The following ARID1B variants were observed in gnomAD, a reference collection of about 807,000 sequenced individuals.
ARID1B encodes the protein AT-rich interaction domain 1B.
In ARID1B, 30 loss-of-function variants were observed where a neutral mutation model predicts 212.3. That is an observed-to-expected ratio of 0.14 (90% CI 0.11 to 0.19). The LOEUF is 0.19. ARID1B is among the 10% of genes least tolerant of loss of function. The pLI is 1.00. For missense variants in ARID1B, 2,891 were observed against 3,204.0 expected (o/e 0.90, Z 2.36); for synonymous variants, 1,402 against 1,301.7 (o/e 1.08, Z -1.66).
At chr6:156,817,169 G>T in intron 1 of ARID1B, among the ~76,000 whole-genome samples, 1 of 151,850 alleles carries the variant, frequency 6.6e-6, no homozygotes, top group Non-Finnish European at 1.5e-5. Context: ...TGGATCACCT[G>T]AGGTCAAGAG....
intron 15 of ARID1B, chr6:157,194,773 T>A (rs1391523658): frequency 6.6e-6 from 1 of 152,232 alleles, no homozygotes; most frequent in African/African-American, 2.4e-5. Context: ...ATACATATTT[T>A]ATGTCCTCCT....
chr6:156,992,266 C>T (rs1236152863), intron 4 of ARID1B, among the ~76,000 whole-genome samples: 2 of 152,040 alleles, frequency 1.3e-5, no homozygotes, highest in South Asian at 4.1e-4. Flanking sequence ...TGTTGTAGTC[C>T]TTCATCTGGG....
At chr6:157,007,121 A>G (rs1779294448) in intron 4 of ARID1B, among the ~76,000 whole-genome samples, 1 of 152,224 alleles carries the variant, frequency 6.6e-6, no homozygotes, top group Non-Finnish European at 1.5e-5. Flanking sequence ...TATTTAGGCA[A>G]CTGAAAAATT....
At position 157,208,567 on chromosome 6, in the gene ARID1B, T is replaced by C. The variant is rs1794624121; in HGVS notation, c.*676T>C. On this transcript the variant is annotated 3_prime_UTR_variant, in exon 20 of 20. Coordinates refer to ENST00000636930, the MANE Select transcript of ARID1B (RefSeq NM_001374828.1). ...CGATCCGGAAACTGCTCCTCACCACTCCCGTCATGCCTGCTGTCGGCGTTT... is the reference window on the plus strand; with the variant it reads ...CGATCCGGAAACTGCTCCTCACCACCCCCGTCATGCCTGCTGTCGGCGTTT... 1 of 233,010 alleles carries C rather than the reference T, an allele frequency of 4.3e-6. No homozygotes were observed. Among genetic ancestry groups the C allele is most frequent in the Admixed American group, 5.6e-5 (1 of 17,770 alleles). 14.4% of individuals were successfully genotyped at this position (233,010 alleles called of 1,614,324 possible).
chr6:156,950,473 G>A (rs929438187), intron 4 of ARID1B, among the ~76,000 whole-genome samples: 3 of 152,232 alleles, frequency 2.0e-5, no homozygotes, highest in Non-Finnish European at 4.4e-5. Context: ...ATATGGGGAT[G>A]TAAGAGAAAG....
At chr6:156,879,295 C>G (rs1309943903) in intron 2 of ARID1B, among the ~76,000 whole-genome samples, 1 of 152,222 alleles carries the variant, frequency 6.6e-6, no homozygotes, top group Non-Finnish European at 1.5e-5. Flanking sequence ...AGCCATATGT[C>G]ATTCAAATGG....
intron 12 of ARID1B, among the ~76,000 whole-genome samples, chr6:157,182,012 C>T (rs1003207870): frequency 5.3e-5 from 8 of 152,160 alleles, no homozygotes; most frequent in African/African-American, 1.9e-4. Context: ...CTTTGGGAAG[C>T]CAAGGCAGGA....
chr6:157,027,876 A>G (rs926627614), intron 4 of ARID1B, among the ~76,000 whole-genome samples: 5 of 152,248 alleles, frequency 3.3e-5, no homozygotes, highest in Admixed American at 2.0e-4. Context: ...AGTATGATCA[A>G]ATAGTACCTT....
At chr6:157,070,700 T>G (rs560395369) in intron 4 of ARID1B, among the ~76,000 whole-genome samples, 1 of 152,356 alleles carries the variant, frequency 6.6e-6, no homozygotes, top group South Asian at 2.1e-4. Context: ...ATTTACTTAC[T>G]TATTTTCTTA....
intron 5 of ARID1B, among the ~76,000 whole-genome samples, chr6:157,107,023 C>G (rs986738152): frequency 3.3e-5 from 5 of 152,188 alleles, no homozygotes; most frequent in African/African-American, 7.2e-5. Context: ...CCAAAAAATA[C>G]TTAACCAACT....
At chr6:157,177,273 A>G (rs1792158970) in intron 11 of ARID1B, among the ~76,000 whole-genome samples, 1 of 152,246 alleles carries the variant, frequency 6.6e-6, no homozygotes, top group African/African-American at 2.4e-5. Flanking sequence ...TTGAGAAAAC[A>G]GCCACTTTTT....
At position 157,167,057 on chromosome 6, in the gene ARID1B, G is replaced by T. The variant is rs755539131; in HGVS notation, c.3107G>T (p.Gly1036Val). 6.2e-7 allele frequency: 1 copy of T among 1,611,794 alleles called. No individual in the cohort carries two copies. The change falls in exon 9 of 20, where the codon GGC (glycine) becomes GTC (valine). Residue 1036 changes from glycine (G) to valine (V), a missense_variant. Coordinates refer to ENST00000636930, the MANE Select transcript of ARID1B (RefSeq NM_001374828.1). The stretch of plus-strand genomic sequence containing the variant: ...TCCTGTAGGCAAGGCAGTTTCCCCG[G>T]CATGAACCAGAGTGGACTTATGGCT... ...SAQSRQGSFP[G>V]MNQSGLMASS...
rs187254602 is a variant in ARID1B at position 156,829,526 on chromosome 6, G to C, written c.1986+105G>C. The stretch of plus-strand genomic sequence containing the variant: ...TAAAGAGAATTAGGGGGCATTGCAC[G>C]GATTTTCTGCTTTAATTTTTATTGT... On this transcript the variant is annotated intron_variant, in intron 2 of 19. Coordinates refer to ENST00000636930, the MANE Select transcript of ARID1B (RefSeq NM_001374828.1). 7.9e-5 allele frequency: 94 copies of C among 1,187,860 alleles called. No homozygotes were observed. The African/African-American group carries it at 1.4e-3, about 17-fold the overall frequency. The allele number at this position is 1,187,860 out of a possible 1,614,324, so 73.6% of individuals were successfully genotyped here.
In ARID1B at chr6:156,935,537, C is replaced by G. The variant is rs149931590; in HGVS notation, c.2208C>G (p.Asp736Glu). Residue 736 changes from aspartate to glutamate, a missense_variant, in exon 4 of 20, where the codon GAC (aspartate) becomes GAG (glutamate). By Grantham distance (45) the Asp-to-Glu change is conservative (BLOSUM62 2). Around this residue, in one of 7 missense-constraint regions of ARID1B, gnomAD observed 1,643 missense variants for 1,544.0 expected, o/e 1.06. Coordinates refer to ENST00000636930, the MANE Select transcript of ARID1B (RefSeq NM_001374828.1). ...PLAPGKPNHE[D>E]LNLIQQERPS... is the part of the protein sequence containing the mutation. ...CCCCCGGAAAACCTAACCATGAAGA[C>G]TTGAACTTAATACAGCAAGAAAGAC... 6.2e-7 allele frequency: 1 copy of G among 1,613,674 alleles called. No homozygotes were observed.
At chr6:156,812,975 T>TGTATACACATAC (rs1554254430) in intron 1 of ARID1B, among the ~76,000 whole-genome samples, 1 of 103,586 alleles carries the variant, frequency 9.7e-6, no homozygotes. Flanking sequence ...TGTGTGTGTG[T>TGTATACACATAC]GTATGTATAT....
intron 2 of ARID1B, among the ~76,000 whole-genome samples, chr6:156,856,857 A>T (rs1044123368): frequency 2.0e-5 from 3 of 152,040 alleles, no homozygotes; most frequent in Admixed American, 6.5e-5. Context: ...AATTTGGGGG[A>T]AAAACTAGAA....
chr6:157,128,741 G>A (rs769305114), intron 6 of ARID1B, among the ~76,000 whole-genome samples: 2 of 152,136 alleles, frequency 1.3e-5, no homozygotes, highest in South Asian at 2.1e-4. Flanking sequence ...AGAGGCAAAC[G>A]ATATAAACAG....
chr6:156,866,945 C>T (rs1785739574), intron 2 of ARID1B, among the ~76,000 whole-genome samples: 1 of 152,214 alleles, frequency 6.6e-6, no homozygotes, highest in Admixed American at 6.5e-5. Context: ...ATTTTATTTT[C>T]TGTACAGACA....
At chr6:156,974,545 A>C (rs1777111949) in intron 4 of ARID1B, among the ~76,000 whole-genome samples, 1 of 152,214 alleles carries the variant, frequency 6.6e-6, no homozygotes, top group African/African-American at 2.4e-5. Flanking sequence ...AAAAACCCCC[A>C]CATGTACTCT....
Sources: allele counts gnomAD v4.1 joint callset (sites outside exome capture counted in the v4.1 genomes callset), GRCh38; gene constraint gnomAD v4.1.1; regional missense constraint gnomAD v4.1.1; transcripts MANE v1.5; gene names NCBI Gene and HGNC (gene_info 2026-07-23, HGNC 2026-07-21).